Variants in NUCB2 observed in about 807,000 individuals in gnomAD.
The protein encoded by NUCB2 is nucleobindin 2, also known as nucleobindin-2.
Under a neutral mutation model 57.9 loss-of-function variants are expected in NUCB2, and 48 were observed. The observed-to-expected ratio is 0.83, with a 90% CI of 0.66 to 1.05. NUCB2 has a LOEUF of 1.05. NUCB2 is among the 50% of genes least tolerant of loss of function. The pLI is 0.00. For synonymous variants in NUCB2, 139 were observed against 152.1 expected, an observed-to-expected ratio of 0.91 and a Z score of 0.64; for missense variants, 442 against 476.2, an observed-to-expected ratio of 0.93 and a Z score of 0.67.
chr11:17,336,678 C>T (rs1477181092), downstream of NUCB2, among the ~76,000 whole-genome samples: 3 of 141,760 alleles, frequency 2.1e-5, no homozygotes, highest in East Asian at 2.1e-4. Context: ...GGCGTGAACC[C>T]GGGAGGCGGA....
At chr11:17,329,031 C>T (rs556976680) in intron 11 of NUCB2, among the ~76,000 whole-genome samples, 1 of 151,992 alleles carries the variant, frequency 6.6e-6, no homozygotes, top group Admixed American at 6.5e-5. Context: ...AGGACTGCTC[C>T]CTTAAGGCAG....
rs374654168 is a variant in NUCB2, at chr11:17,311,038, T to A, written c.669+28T>A. On this transcript the variant is annotated intron_variant, in intron 7 of 13. Transcript: ENST00000529010. ...AAGGATTGTGACTTTATGAAACCAT[T>A]TTTAGATAAAGATACTTCTTCGTAT... is the stretch of plus-strand genomic sequence containing the variant. 5.9e-6 allele frequency: 9 copies of A among 1,531,792 alleles called. No homozygotes were observed. In the African/African-American group the frequency reaches 9.8e-5, roughly 17 times the overall value. The allele number at this position is 1,531,792 out of a possible 1,614,324, so 94.9% of individuals were successfully genotyped here.
intron 10 of NUCB2, 71 bp downstream of exon 10, chr11:17,312,191 A>C: frequency 1.2e-6 from 1 of 838,216 alleles, no homozygotes; most frequent in South Asian, 1.8e-5. Context: ...AATCTTTAAG[A>C]TGGAAAATAT....
chr11:17,301,870 G>C lies in NUCB2; in HGVS notation c.379G>C (p.Asp127His). 1.2e-6 allele frequency: 2 copies of C among 1,609,616 alleles called. No individual in the cohort carries two copies. The highest frequency in any genetic ancestry group is 1.7e-6 in the Non-Finnish European group (2 of 1,178,244). The change falls in exon 5 of 14, where the codon GAT becomes CAT. Residue 127 changes from aspartate (D) to histidine (H), a missense_variant and splice_region_variant. Asp to His is a moderately conservative substitution (Grantham distance 81). Transcript: ENST00000529010. ...TAAAGCTAAGTTGGATTCCCTTCAA[G>C]GTAAGTGCTAAACAAAAGGTAGGAT... The part of the protein sequence containing the change: ...LIKAKLDSLQ[D>H]IGMDHQALLK...
At chr11:17,284,067 C>G (rs576296982) in intron 2 of NUCB2, among the ~76,000 whole-genome samples, 5 of 152,240 alleles carry the variant, frequency 3.3e-5, no homozygotes, top group African/African-American at 1.2e-4. Context: ...CTCACTCTTT[C>G]ACCCACGCTG....
intron 4 of NUCB2, among the ~76,000 whole-genome samples, chr11:17,300,812 C>G (rs1946579808): frequency 6.6e-6 from 1 of 151,776 alleles, no homozygotes; most frequent in Non-Finnish European, 1.5e-5. Context: ...TCATGGTAAC[C>G]CTATGTTTAA....
intron 2 of NUCB2, among the ~76,000 whole-genome samples, chr11:17,340,853 G>A (rs1211550730): frequency 1.3e-5 from 2 of 152,120 alleles, no homozygotes; most frequent in African/African-American, 4.8e-5. Flanking sequence ...TTCCAATTCT[G>A]TGAAGAAAGG....
chr11:17,296,460 C>T (rs1214142743), intron 4 of NUCB2, among the ~76,000 whole-genome samples: 1 of 152,044 alleles, frequency 6.6e-6, no homozygotes, highest in African/African-American at 2.4e-5. Context: ...TTATTCCCAG[C>T]CCTTAAGGAA....
rs575900880 is a variant in NUCB2 at position 17,280,106 on chromosome 11, T to C, written c.-155-2683T>C. ...CTACACCTGGCCTTGGCAGAGTTTT[T>C]TTTGGCAGTGTATTTTAATTATCTG... On this transcript the variant is annotated intron_variant, in intron 1 of 13. Transcript: ENST00000529010. Among the ~76,000 whole-genome samples, 3 of 152,304 alleles carry C rather than the reference T, an allele frequency of 2.0e-5. No individual in the cohort carries two copies. In the East Asian group the frequency reaches 5.8e-4, roughly 29 times the overall value.
intron 4 of NUCB2, among the ~76,000 whole-genome samples, chr11:17,297,847 G>C (rs1946072846): frequency 6.6e-6 from 1 of 152,132 alleles, no homozygotes; most frequent in South Asian, 2.1e-4. Flanking sequence ...ACTTTGGGAG[G>C]CTGAGGCAGG....
chr11:17,312,879 T>C (rs1326368824), intron 10 of NUCB2, among the ~76,000 whole-genome samples: 1 of 151,300 alleles, frequency 6.6e-6, no homozygotes, highest in South Asian at 2.1e-4. Context: ...GCTGATTTTT[T>C]TATTTTTAGT....
intron 5 of NUCB2, among the ~76,000 whole-genome samples, chr11:17,304,652 G>A (rs1055012124): frequency 6.6e-6 from 1 of 152,084 alleles, no homozygotes; most frequent in African/African-American, 2.4e-5. Flanking sequence ...CAGGAAAATT[G>A]AGCCCCTCAA....
At chr11:17,280,417 T>G (rs931647532) in intron 1 of NUCB2, among the ~76,000 whole-genome samples, 1 of 152,194 alleles carries the variant, frequency 6.6e-6, no homozygotes, top group African/African-American at 2.4e-5. Flanking sequence ...CCTGTTGACT[T>G]TCATTTTCAA....
intron 1 of NUCB2, among the ~76,000 whole-genome samples, chr11:17,280,031 G>A (rs898800264): frequency 4.7e-4 from 72 of 152,120 alleles, no homozygotes; most frequent in African/African-American, 1.6e-3. Context: ...AGGCTCAAGC[G>A]ATCTGCCTGT....
Position 17,283,833 on chromosome 11 carries a change from A to G in NUCB2, c.-1+890A>G, listed in dbSNP as rs144456660. 1.9e-3 allele frequency among the ~76,000 whole-genome samples: 289 copies of G among 152,384 alleles called. 1 individual carries two copies. The highest frequency in any genetic ancestry group is 5.0e-3 in the Admixed American group (76 of 15,304). Reference sequence around the variant, plus strand: ...AAGTAAATTTATATTGAAAGTAAATATAATTCATCTCAAGATACATTTCAC... The same window carrying G: ...AAGTAAATTTATATTGAAAGTAAATGTAATTCATCTCAAGATACATTTCAC... On this transcript the variant is annotated intron_variant, in intron 2 of 13. Coordinates refer to ENST00000529010, the MANE Select transcript of NUCB2 (RefSeq NM_005013.4).
intron 4 of NUCB2, among the ~76,000 whole-genome samples, chr11:17,298,009 G>T (rs1187799354): frequency 6.6e-6 from 1 of 151,574 alleles, no homozygotes; most frequent in Admixed American, 6.6e-5. Flanking sequence ...TTGAACCTGG[G>T]CGGCAGAGGT....
intron 4 of NUCB2, among the ~76,000 whole-genome samples, chr11:17,297,524 G>A (rs1025381154): frequency 6.6e-6 from 1 of 152,132 alleles, no homozygotes; most frequent in Non-Finnish European, 1.5e-5. Context: ...GGATTAATTC[G>A]ATCTGTGGAA....
chr11:17,284,242 T>C (rs2137978987), intron 2 of NUCB2, among the ~76,000 whole-genome samples: 1 of 152,262 alleles, frequency 6.6e-6, no homozygotes, highest in South Asian at 2.1e-4. Context: ...GGTCTTGAAC[T>C]CCTGACCTCA....
rs913595497 is a variant in NUCB2 at position 17,330,019 on chromosome 11, A to G, written c.1003-108A>G. The G allele has an allele frequency of 3.6e-6, 2 of 548,078 alleles. No individual in the cohort carries two copies. The highest frequency in any genetic ancestry group is 1.9e-5 in the African/African-American group (1 of 52,646). The allele number at this position is 548,078 out of a possible 1,614,324, so 34.0% of individuals were successfully genotyped here. A position where few individuals can be genotyped will look rare whatever the true frequency, so the allele number is the denominator to read the frequency against. On this transcript the variant is annotated intron_variant, in intron 11 of 13. Coordinates refer to ENST00000529010, the MANE Select transcript of NUCB2 (RefSeq NM_005013.4). This position sits in a 1 kb window ranked among gnomAD's most constrained non-coding sequence, Gnocchi z 4.3. ...CTTCCTTCTTACCTCCAAAGGCGTA[A>G]TCCTATAGATACTCTTTTATACTTT... is the stretch of plus-strand genomic sequence containing the variant.
Sources: gnomAD v4.1 joint callset for allele counts (sites outside exome capture counted in the v4.1 genomes callset) on GRCh38, gnomAD v4.1.1 for gene constraint, Gnocchi (gnomAD v3.1) non-coding constraint, MANE v1.5 for transcripts, NCBI Gene and HGNC (gene_info 2026-07-23, HGNC 2026-07-21) for gene names.